The following PPP2R5E variants were observed in gnomAD, a reference collection of about 807,000 sequenced individuals.
PPP2R5E encodes protein phosphatase 2 regulatory subunit B'epsilon, also known as serine/threonine-protein phosphatase 2A 56 kDa regulatory subunit epsilon isoform.
A neutral mutation model predicts 65.3 loss-of-function variants in PPP2R5E; 4 were observed. That is an observed-to-expected ratio of 0.06 (90% CI 0.03 to 0.14). The LOEUF is 0.14. Ranked by LOEUF, PPP2R5E falls within the 10% of genes least tolerant of loss-of-function variation. The pLI is 1.00. For synonymous variants in PPP2R5E, 183 were observed against 187.4 expected (o/e 0.98, Z 0.19); for missense variants, 274 against 556.1 (o/e 0.49, Z 5.10).
intron 8 of PPP2R5E, among the ~76,000 whole-genome samples, chr14:63,392,370 T>A (rs1885074622): frequency 6.6e-6 from 1 of 152,236 alleles, no homozygotes; most frequent in Non-Finnish European, 1.5e-5. Context: ...TTCCTTTCTC[T>A]CTTTGCTAAT....
intron 5 of PPP2R5E, among the ~76,000 whole-genome samples, chr14:63,399,735 T>C (rs1437380738): frequency 1.3e-5 from 2 of 152,266 alleles, no homozygotes; most frequent in East Asian, 1.9e-4. Flanking sequence ...TGTTACTGAG[T>C]TGTTTTTTTT....
At chr14:63,430,285 G>A (rs1266134083) in intron 3 of PPP2R5E, among the ~76,000 whole-genome samples, 4 of 151,708 alleles carry the variant, frequency 2.6e-5, no homozygotes, top group African/African-American at 4.8e-5. Flanking sequence ...AGGCCGAGGC[G>A]GGAGGATCAC....
intron 3 of PPP2R5E, among the ~76,000 whole-genome samples, chr14:63,442,965 T>A (rs1044506478): frequency 1.3e-5 from 2 of 152,248 alleles, no homozygotes; most frequent in Non-Finnish European, 2.9e-5. Flanking sequence ...CAGCTAATAA[T>A]GTAGCGAGGT....
At chr14:63,418,000 A>G (rs191758428) in intron 4 of PPP2R5E, among the ~76,000 whole-genome samples, 2 of 152,246 alleles carry the variant, frequency 1.3e-5, no homozygotes, top group Non-Finnish European at 2.9e-5. Context: ...TTAAGACTTA[A>G]ATTAGGGATT....
intron 2 of PPP2R5E, among the ~76,000 whole-genome samples, chr14:63,462,060 C>G (rs1292963430): frequency 6.8e-6 from 1 of 147,684 alleles, no homozygotes; most frequent in Non-Finnish European, 1.5e-5. Context: ...ATGACAGTAC[C>G]GATTTCAACT....
intron 11 of PPP2R5E, among the ~76,000 whole-genome samples, chr14:63,388,985 G>GA (rs1884846607): frequency 1.3e-5 from 2 of 152,178 alleles, no homozygotes; most frequent in South Asian, 4.1e-4. Context: ...CCCCAAGAAA[G>GA]AAAAGTGTTG....
intron 2 of PPP2R5E, among the ~76,000 whole-genome samples, chr14:63,519,375 G>C (rs147392947): frequency 0.012 from 1,868 of 151,830 alleles, 40 homozygotes; most frequent in African/African-American, 0.043. Flanking sequence ...TCTTGAGACA[G>C]AGTCTTGTTC....
chr14:63,421,703 T>C (rs1039150897), intron 4 of PPP2R5E, among the ~76,000 whole-genome samples: 9 of 152,212 alleles, frequency 5.9e-5, no homozygotes, highest in African/African-American at 2.2e-4. Flanking sequence ...CTGTGCTTTG[T>C]TGGAGGCTCT....
intron 2 of PPP2R5E, among the ~76,000 whole-genome samples, chr14:63,526,781 T>C (rs1477146713): frequency 2.0e-5 from 3 of 152,176 alleles, no homozygotes; most frequent in African/African-American, 7.2e-5. Context: ...GGTCTTGAAC[T>C]CCTGGGCTCA....
intron 3 of PPP2R5E, among the ~76,000 whole-genome samples, chr14:63,442,970 C>T (rs1888308817): frequency 6.6e-6 from 1 of 152,096 alleles, no homozygotes; most frequent in South Asian, 2.1e-4. Context: ...AATAATGTAG[C>T]GAGGTTAACC....
At chr14:63,539,218 A>C (rs758132997) in intron 2 of PPP2R5E, among the ~76,000 whole-genome samples, 1 of 152,186 alleles carries the variant, frequency 6.6e-6, no homozygotes, top group South Asian at 2.1e-4. Context: ...TGTATCCCTA[A>C]ACGTCAACAG....
At chr14:63,401,020 T>C (rs1460899382) in intron 5 of PPP2R5E, among the ~76,000 whole-genome samples, 3 of 152,160 alleles carry the variant, frequency 2.0e-5, no homozygotes, top group African/African-American at 7.2e-5. Flanking sequence ...CAAGAAATGT[T>C]TGATGTTTTC....
intron 3 of PPP2R5E, among the ~76,000 whole-genome samples, chr14:63,437,521 C>T (rs1229967119): frequency 6.6e-6 from 1 of 152,086 alleles, no homozygotes; most frequent in Non-Finnish European, 1.5e-5. Flanking sequence ...AGCACAAATA[C>T]AAAACTTAAT....
At position 63,373,466 on chromosome 14, in the gene PPP2R5E, ACAC is replaced by A. The variant is rs1326554035; in HGVS notation, c.*2540_*2542del. 7 of 152,110 alleles carry A rather than the reference ACAC, an allele frequency of 4.6e-5. No homozygotes were observed. Among genetic ancestry groups the A allele is most frequent in the African/African-American group, 1.4e-4 (6 of 41,422 alleles). 9.4% of individuals were successfully genotyped at this position (152,110 alleles called of 1,614,324 possible). ...TACCTCAGTTACTCTGCGTCACCGC[ACAC>A]AACATGACTAATGTCACATTGTCAC... On this transcript the variant is annotated 3_prime_UTR_variant, in exon 14 of 14. Transcript: ENST00000337537.
In PPP2R5E at chr14:63,455,528, T is replaced by C. The variant is rs568770810; in HGVS notation, c.158-1643A>G. On this transcript the variant is annotated intron_variant, in intron 2 of 13. Transcript: ENST00000337537. ...CCCAAAAGCACAATGTGTCTTGCAG[T>C]CATGATATAGGTCTTATCCTATGCC... Among the ~76,000 whole-genome samples, 44 of 152,322 alleles carry C rather than the reference T, an allele frequency of 2.9e-4. No individual in the cohort carries two copies. In the South Asian group the frequency reaches 2.9e-3, roughly 10 times the overall value.
At chr14:63,521,624 C>T (rs946227483) in intron 2 of PPP2R5E, among the ~76,000 whole-genome samples, 2 of 152,180 alleles carry the variant, frequency 1.3e-5, no homozygotes, top group Admixed American at 6.5e-5. Context: ...GATCACGCCA[C>T]TGCACTCCAG....
At chr14:63,415,614 C>G (rs980024596) in intron 4 of PPP2R5E, among the ~76,000 whole-genome samples, 1 of 152,050 alleles carries the variant, frequency 6.6e-6, no homozygotes, top group African/African-American at 2.4e-5. Flanking sequence ...ATTTAACATA[C>G]CATATAAATA....
chr14:63,473,895 G>A (rs1003785216), intron 2 of PPP2R5E, among the ~76,000 whole-genome samples: 2 of 152,204 alleles, frequency 1.3e-5, no homozygotes, highest in Non-Finnish European at 2.9e-5. Flanking sequence ...AAGGTAAAGA[G>A]AAGGAACCTG....
intron 5 of PPP2R5E, among the ~76,000 whole-genome samples, chr14:63,412,227 T>C (rs999040369): frequency 6.6e-6 from 1 of 152,182 alleles, no homozygotes; most frequent in Admixed American, 6.5e-5. Context: ...AAGACTGAGA[T>C]GGATCACTTG....
Sources: allele counts gnomAD v4.1 joint callset (sites outside exome capture counted in the v4.1 genomes callset), GRCh38; gene constraint gnomAD v4.1.1; transcripts MANE v1.5; gene names NCBI Gene and HGNC (gene_info 2026-07-23, HGNC 2026-07-21).